The following FGD5 variants were observed in gnomAD, a reference collection of about 807,000 sequenced individuals.
FGD5 encodes the protein FYVE, RhoGEF and PH domain-containing protein 5.
Under a neutral mutation model 133.4 loss-of-function variants are expected in FGD5, and 28 were observed. That is an observed-to-expected ratio of 0.21 (90% confidence interval 0.16 to 0.29). The LOEUF (loss-of-function observed/expected upper bound fraction) is 0.29, where lower values mean the gene tolerates loss of function less well. Ranked by LOEUF, FGD5 falls within the 10% of genes least tolerant of loss-of-function variation. The pLI is 1.00. For missense variants in FGD5, 1,858 were observed against 1,895.2 expected, an observed-to-expected ratio of 0.98 and a Z score of 0.36; for synonymous variants, 810 against 776.5, an observed-to-expected ratio of 1.04 and a Z score of -0.72.
chr3:14,871,391 T>C (rs2037603340), intron 2 of FGD5, among the ~76,000 whole-genome samples: 1 of 152,246 alleles, frequency 6.6e-6, no homozygotes, highest in Non-Finnish European at 1.5e-5. Context: ...CAAACTCGAA[T>C]GTCTGACAGT....
At position 14,922,260 on chromosome 3, in the gene FGD5, T is replaced by C. The variant is rs2038698339; in HGVS notation, c.3670-151T>C. Reference sequence around the variant, plus strand: ...GTTTCCCAACCAAGGGTGAGCATCCTGGAGGGTGCAGGAGAGGCCTTTCAC... The same window carrying C: ...GTTTCCCAACCAAGGGTGAGCATCCCGGAGGGTGCAGGAGAGGCCTTTCAC... On this transcript the variant is annotated intron_variant, in intron 14 of 19. Coordinates refer to ENST00000285046, the MANE Select transcript of FGD5 (RefSeq NM_152536.4). This position sits in a 1 kb window ranked among gnomAD's most constrained non-coding sequence, Gnocchi z 4.1. 2.5e-6 allele frequency: 3 copies of C among 1,194,100 alleles called. No individual in the cohort carries two copies. Among genetic ancestry groups the C allele is most frequent in the African/African-American group, 3.0e-5 (2 of 66,096 alleles). The allele number at this position is 1,194,100 out of a possible 1,614,324, so 74.0% of individuals were successfully genotyped here.
Position 14,819,618 on chromosome 3 carries a change from C to A in FGD5, c.547C>A (p.Pro183Thr), listed in dbSNP as rs1191292103. 5 of 1,551,144 alleles carry A rather than the reference C, an allele frequency of 3.2e-6. No individual in the cohort carries two copies. The highest frequency in any genetic ancestry group is 4.4e-6 in the Non-Finnish European group (5 of 1,146,828). Residue 183 changes from proline to threonine, a missense_variant, in exon 1 of 20, where the codon CCT becomes ACT. Physicochemically the swap from Pro to Thr is conservative, Grantham distance 38. Coordinates refer to ENST00000285046, the MANE Select transcript of FGD5 (RefSeq NM_152536.4). The surrounding 1 kb of genome is among the most constrained non-coding windows in gnomAD (Gnocchi z 4.1). ...GGAGTGCAGCCTGGAGGACAGTGGG[C>A]CTTGGGCTGGAGAGGGGGTCTTCCA... Reference protein sequence around the residue: ...HRECSLEDSGPWAGEGVFQSD... With the variant: ...HRECSLEDSGTWAGEGVFQSD...
chr3:14,845,827 G>A (rs2037040540), intron 1 of FGD5, among the ~76,000 whole-genome samples: 1 of 152,218 alleles, frequency 6.6e-6, no homozygotes, highest in Non-Finnish European at 1.5e-5. Context: ...GGATACAGAA[G>A]CAAGTTCCTC....
At chr3:14,872,256 A>C (rs2037625605) in intron 2 of FGD5, among the ~76,000 whole-genome samples, 1 of 105,656 alleles carries the variant, frequency 9.5e-6, no homozygotes, top group South Asian at 3.2e-4. Context: ...ACTTCTCTGA[A>C]TGTTGTACTC....
intron 2 of FGD5, among the ~76,000 whole-genome samples, chr3:14,879,154 GT>G (rs1378400603): frequency 1.3e-5 from 2 of 152,238 alleles, no homozygotes; most frequent in African/African-American, 2.4e-5. Context: ...TTAGAGGTTA[GT>G]TTGTCCACAT....
intron 1 of FGD5, among the ~76,000 whole-genome samples, chr3:14,861,328 G>T (rs935767328): frequency 1.3e-5 from 2 of 152,144 alleles, no homozygotes; most frequent in Non-Finnish European, 2.9e-5. Context: ...GCTTGGAGAG[G>T]TTAAACACAG....
chr3:14,881,868 G>T (rs1357214272), intron 4 of FGD5, among the ~76,000 whole-genome samples: 1 of 152,174 alleles, frequency 6.6e-6, no homozygotes, highest in Non-Finnish European at 1.5e-5. Context: ...GCTGCCTTGG[G>T]AGCTCCATGG....
chr3:14,897,453 G>A (rs2038158525), intron 4 of FGD5, 56 bp from the exon 5 acceptor site: 22 of 1,552,826 alleles, frequency 1.4e-5, no homozygotes, highest in African/African-American at 2.7e-5. Context: ...ATCTGCCAAG[G>A]AGGACTTGTG....
intron 2 of FGD5, among the ~76,000 whole-genome samples, chr3:14,880,323 C>T (rs1007118786): frequency 6.6e-6 from 1 of 152,162 alleles, no homozygotes; most frequent in African/African-American, 2.4e-5. Context: ...CACTGCACTC[C>T]AGCCTGGGTG....
intron 1 of FGD5, among the ~76,000 whole-genome samples, chr3:14,831,635 A>T (rs1278141371): frequency 6.6e-6 from 1 of 152,152 alleles, no homozygotes. Flanking sequence ...GGAGGGAATA[A>T]GGTTGGGAAG....
At chr3:14,892,262 C>T (rs371575772) in intron 4 of FGD5, among the ~76,000 whole-genome samples, 179 of 151,760 alleles carry the variant, frequency 1.2e-3, no homozygotes, top group Non-Finnish European at 2.2e-3. Context: ...AGTGTAGTGG[C>T]GCTATCACAA....
intron 2 of FGD5, 64 bp from the exon 3 acceptor site, chr3:14,880,508 A>G: frequency 6.5e-7 from 1 of 1,532,508 alleles, no homozygotes; most frequent in Non-Finnish European, 8.9e-7. Flanking sequence ...CTCCAGCAGC[A>G]TGGTGGCCTC....
At chr3:14,860,599 G>A (rs146922449) in intron 1 of FGD5, among the ~76,000 whole-genome samples, 1 of 152,272 alleles carries the variant, frequency 6.6e-6, no homozygotes, top group East Asian at 1.9e-4. Context: ...TCATCTGTGA[G>A]GTCTGTGCAC....
chr3:14,922,542 T>C lies in FGD5; in HGVS notation c.3801T>C (p.Cys1267=). The part of the protein sequence containing the change: ...LTLRRHHCHA[C]GKIVCRNCSR... ...TGCGGCGTCATCACTGTCACGCCTGTGGCAAGGTGAGTCGCTGCATCTGGG... is the reference window on the plus strand; with the variant it reads ...TGCGGCGTCATCACTGTCACGCCTGCGGCAAGGTGAGTCGCTGCATCTGGG... Residue 1267 remains cysteine, a synonymous_variant, in exon 15 of 20, where the codon TGT becomes TGC. Transcript: ENST00000285046. This position sits in a 1 kb window ranked among gnomAD's most constrained non-coding sequence, Gnocchi z 4.1. 6.4e-7 allele frequency: 1 copy of C among 1,574,410 alleles called. No homozygotes were observed. Among genetic ancestry groups the C allele is most frequent in the Non-Finnish European group, 8.6e-7 (1 of 1,160,822 alleles).
In FGD5 at chr3:14,820,828, C is replaced by G; in HGVS notation, c.1757C>G (p.Ser586Trp). ...IKRKEDNLSLSCVIGSSGSFS... is the reference protein window; with the variant it reads ...IKRKEDNLSLWCVIGSSGSFS... Reference sequence around the variant, plus strand: ...AGGAAAGAGGACAATCTCTCTCTGTCGTGTGTAATTGGCTCCTCTGGGAGT... The same window carrying G: ...AGGAAAGAGGACAATCTCTCTCTGTGGTGTGTAATTGGCTCCTCTGGGAGT... Residue 586 changes from serine to tryptophan, a missense_variant, in exon 1 of 20, where the codon TCG becomes TGG. Ser to Trp is a radical substitution (Grantham distance 177). Around this residue, in one of 3 missense-constraint regions of FGD5, gnomAD observed 1,824 missense variants for 1,848.9 expected, o/e 0.99. Coordinates refer to ENST00000285046, the MANE Select transcript of FGD5 (RefSeq NM_152536.4). The G allele has an allele frequency of 6.2e-7, 1 of 1,613,856 alleles. No individual in the cohort carries two copies. Among genetic ancestry groups the G allele is most frequent in the Non-Finnish European group, 8.5e-7 (1 of 1,179,870 alleles).
At chr3:14,832,531 C>G (rs1256665335) in intron 1 of FGD5, among the ~76,000 whole-genome samples, 4 of 152,186 alleles carry the variant, frequency 2.6e-5, no homozygotes, top group Admixed American at 2.6e-4. Flanking sequence ...CTTTATGTGC[C>G]TCATTGTGTG....
chr3:14,918,309 G>C (rs1233363376), intron 12 of FGD5, among the ~76,000 whole-genome samples: 1 of 152,254 alleles, frequency 6.6e-6, no homozygotes, highest in Non-Finnish European at 1.5e-5. Context: ...ATGGCCAGGA[G>C]AGCTGAGAGA....
At chr3:14,908,291 A>C (rs894860949) in intron 10 of FGD5, among the ~76,000 whole-genome samples, 1 of 152,238 alleles carries the variant, frequency 6.6e-6, no homozygotes, top group African/African-American at 2.4e-5. Flanking sequence ...TTTAGTGATC[A>C]TGAGTTTGGT....
At chr3:14,907,822 C>T (rs2038368654) in intron 10 of FGD5, 111 bp downstream of exon 10, 10 of 1,091,188 alleles carry the variant, frequency 9.2e-6, no homozygotes, top group Non-Finnish European at 2.6e-6. Flanking sequence ...TGCTGTCTAC[C>T]CATGGAGGGC....
Sources: gnomAD v4.1 joint callset for allele counts (sites outside exome capture counted in the v4.1 genomes callset) on GRCh38, gnomAD v4.1.1 for gene constraint, gnomAD v4.1.1 regional missense constraint, Gnocchi (gnomAD v3.1) non-coding constraint, MANE v1.5 for transcripts, NCBI Gene and HGNC (gene_info 2026-07-23, HGNC 2026-07-21) for gene names.